The following KIAA0319 variants were observed in gnomAD, a reference collection of about 807,000 sequenced individuals.
KIAA0319 encodes the protein dyslexia-associated protein KIAA0319.
A neutral mutation model predicts 108.4 loss-of-function variants in KIAA0319; 83 were observed. The ratio of observed to expected loss-of-function variants is 0.77; its 90% CI spans 0.64 to 0.92. The LOEUF (loss-of-function observed/expected upper bound fraction) is 0.92, where lower values mean the gene tolerates loss of function less well. KIAA0319 is among the 40% of genes least tolerant of loss of function. KIAA0319 has a pLI of 0.00. For missense variants in KIAA0319, 1,195 were observed against 1,322.4 expected, an observed-to-expected ratio of 0.90 and a Z score of 1.49; for synonymous variants, 484 against 510.4, an observed-to-expected ratio of 0.95 and a Z score of 0.70.
chr6:24,634,754 C>A (rs1775987719), intron 1 of KIAA0319, among the ~76,000 whole-genome samples: 1 of 152,188 alleles, frequency 6.6e-6, no homozygotes, highest in Non-Finnish European at 1.5e-5. Flanking sequence ...AGGTCTCAAT[C>A]AATTTAAAAG....
chr6:24,592,573 A>G (rs1768664809), intron 3 of KIAA0319, among the ~76,000 whole-genome samples: 1 of 152,144 alleles, frequency 6.6e-6, no homozygotes, highest in Non-Finnish European at 1.5e-5. Flanking sequence ...GCTTGAGCAA[A>G]TGACTTCTTA....
At chr6:24,612,952 C>T (rs1171946849) in intron 1 of KIAA0319, among the ~76,000 whole-genome samples, 2 of 152,162 alleles carry the variant, frequency 1.3e-5, no homozygotes, top group Non-Finnish European at 2.9e-5. Context: ...GCGCCCGCCA[C>T]CACGCCCGAC....
At chr6:24,579,349 T>C (rs1766005117) in intron 8 of KIAA0319, among the ~76,000 whole-genome samples, 1 of 150,012 alleles carries the variant, frequency 6.7e-6, no homozygotes, top group Admixed American at 6.6e-5. Context: ...TAAAAGTGAT[T>C]TTCCCATCTG....
intron 20 of KIAA0319, 87 bp downstream of exon 20, chr6:24,551,347 G>T (rs762691823): frequency 5.7e-6 from 5 of 881,080 alleles, no homozygotes; most frequent in Non-Finnish European, 1.9e-6. Flanking sequence ...CCAGCAAATC[G>T]TTCTCCCTCT....
At chr6:24,557,996 T>C (rs930270411) in intron 17 of KIAA0319, among the ~76,000 whole-genome samples, 1 of 152,188 alleles carries the variant, frequency 6.6e-6, no homozygotes. Flanking sequence ...AGAGTATTAA[T>C]AAAAATTTTC....
rs189482165 is a variant in KIAA0319, at chr6:24,544,365, A to C, written c.*2800T>G. The C allele has an allele frequency of 8.5e-5, 13 of 152,352 alleles. No individual in the cohort carries two copies. The highest frequency in any genetic ancestry group is 6.5e-4 in the Admixed American group (10 of 15,304). The allele number at this position is 152,352 out of a possible 1,614,324, so 9.4% of individuals were successfully genotyped here. On this transcript the variant is annotated 3_prime_UTR_variant, in exon 21 of 21. Coordinates refer to ENST00000378214, the MANE Select transcript of KIAA0319 (RefSeq NM_014809.4). ...AAATACAGACACCTTTATTTAGATT[A>C]GTGCATATATTTAATAGTGTGATAT...
In KIAA0319 at chr6:24,576,455, A is replaced by T. The variant is rs185594448; in HGVS notation, c.1647T>A (p.Asn549Lys). The T allele has an allele frequency of 6.2e-7, 1 of 1,614,162 alleles. No homozygotes were observed. Among genetic ancestry groups the T allele is most frequent in the Admixed American group, 1.7e-5 (1 of 60,016 alleles). The change falls in exon 10 of 21, where the codon AAT becomes AAA. Residue 549 changes from asparagine to lysine, a missense_variant. Transcript: ENST00000378214. The stretch of plus-strand genomic sequence containing the variant: ...GGTGATCGTCACTGCTCTGGTTTCC[A>T]TTCAAAGTGATGGAGTTTTGGGGCA... ...ITLPQNSITL[N>K]GNQSSDDHQI...
chr6:24,590,264 T>G (rs576238027), intron 3 of KIAA0319, among the ~76,000 whole-genome samples: 1 of 147,086 alleles, frequency 6.8e-6, no homozygotes, highest in Non-Finnish European at 1.5e-5. Flanking sequence ...AGGCAACTGG[T>G]GAAACCTGCA....
At chr6:24,559,563 T>C (rs1056922184) in intron 16 of KIAA0319, among the ~76,000 whole-genome samples, 2 of 151,920 alleles carry the variant, frequency 1.3e-5, no homozygotes, top group African/African-American at 4.8e-5. Context: ...TACCTTTTCA[T>C]CTGGCTGTTC....
intron 1 of KIAA0319, among the ~76,000 whole-genome samples, chr6:24,639,241 C>T (rs1776605102): frequency 6.6e-6 from 1 of 152,024 alleles, no homozygotes; most frequent in African/African-American, 2.4e-5. Context: ...TGTAGAACAA[C>T]AAAGACAAAG....
At chr6:24,548,329 G>A (rs1760933980) in intron 20 of KIAA0319, among the ~76,000 whole-genome samples, 1 of 136,914 alleles carries the variant, frequency 7.3e-6, no homozygotes, top group Non-Finnish European at 1.5e-5. Context: ...CAAATAGAGA[G>A]GGGGTCTTGC....
intron 1 of KIAA0319, among the ~76,000 whole-genome samples, chr6:24,602,080 C>T (rs1376769102): frequency 6.6e-6 from 1 of 151,352 alleles, no homozygotes; most frequent in Non-Finnish European, 1.5e-5. Flanking sequence ...TGCAGTGGCA[C>T]AATGTTGGCT....
intron 1 of KIAA0319, among the ~76,000 whole-genome samples, chr6:24,608,434 A>G (rs557371995): frequency 1.3e-5 from 2 of 152,092 alleles, no homozygotes; most frequent in African/African-American, 4.8e-5. Flanking sequence ...TAAAGTGCAC[A>G]TGGGAAAATT....
chr6:24,601,019 A>G, intron 2 of KIAA0319, 30 bp downstream of exon 2: 3 of 1,613,858 alleles, frequency 1.9e-6, no homozygotes, highest in Non-Finnish European at 1.7e-6. Flanking sequence ...CAAGTCCAAC[A>G]CGGGTATCTC....
At chr6:24,613,735 G>A (rs918677401) in intron 1 of KIAA0319, among the ~76,000 whole-genome samples, 18 of 151,698 alleles carry the variant, frequency 1.2e-4, no homozygotes, top group Non-Finnish European at 1.6e-4. Flanking sequence ...TGAACAAAAG[G>A]AATGGATTTT....
At chr6:24,583,443 A>C (rs1766934122) in intron 5 of KIAA0319, among the ~76,000 whole-genome samples, 161 bp downstream of exon 5, 1 of 152,200 alleles carries the variant, frequency 6.6e-6, no homozygotes, top group South Asian at 2.1e-4. Flanking sequence ...TATTTCAACA[A>C]ATGTTGATGC....
At chr6:24,560,074 G>A (rs1270551988) in intron 16 of KIAA0319, among the ~76,000 whole-genome samples, 2 of 152,176 alleles carry the variant, frequency 1.3e-5, no homozygotes, top group Admixed American at 6.5e-5. Context: ...TCTGTTGTAT[G>A]AATATATCAC....
intron 9 of KIAA0319, among the ~76,000 whole-genome samples, chr6:24,577,082 A>G (rs13199423): frequency 0.046 from 6,987 of 152,294 alleles, 213 homozygotes; most frequent in Middle Eastern, 0.092. Context: ...CAGACTTGAT[A>G]TTTTTGTTTG....
At chr6:24,542,926 A>G (rs1038043854), downstream of KIAA0319, among the ~76,000 whole-genome samples, 9 of 152,188 alleles carry the variant, frequency 5.9e-5, no homozygotes, top group Admixed American at 5.2e-4. Flanking sequence ...ACTGAGCTAC[A>G]CTGACCAATC....
Sources: allele counts gnomAD v4.1 joint callset (sites outside exome capture counted in the v4.1 genomes callset), GRCh38; gene constraint gnomAD v4.1.1; transcripts MANE v1.5; gene names NCBI Gene and HGNC (gene_info 2026-07-23, HGNC 2026-07-21).